PCDH11X: variants seen among roughly 807,000 people sequenced by gnomAD.
The protein encoded by PCDH11X is protocadherin-11 X-linked.
Under a neutral mutation model 53.3 loss-of-function variants are expected in PCDH11X, and 18 were observed. The ratio of observed to expected loss-of-function variants is 0.34; its 90% CI spans 0.23 to 0.50. PCDH11X has a LOEUF of 0.50. Among genes scored for constraint, PCDH11X ranks in the 20% least tolerant of loss-of-function variants. The pLI, the probability that PCDH11X is intolerant of heterozygous loss-of-function variation, is 0.98. For missense variants in PCDH11X, 570 were observed against 1,032.4 expected, an observed-to-expected ratio of 0.55 and a Z score of 6.14; for synonymous variants, 279 against 393.3, an observed-to-expected ratio of 0.71 and a Z score of 3.44.
At chrX:92,278,809 T>TTTTTTTTTTTTTTG (rs2148440923) in intron 8 of PCDH11X, among the ~76,000 whole-genome samples, 1 of 90,068 alleles carries the variant, frequency 1.1e-5, no homozygotes, top group East Asian at 3.5e-4. Flanking sequence ...CTTTTCAGTT[T>TTTTTTTTTTTTTTG]TTTTTTTTTT....
intron 7 of PCDH11X, among the ~76,000 whole-genome samples, chrX:92,218,295 A>G (rs765173947): frequency 2.2e-5 from 2 of 90,582 alleles, no homozygotes; most frequent in South Asian, 6.6e-4. Context: ...TTGATAGACC[A>G]CTAGCAAGAC....
chrX:92,610,201 T>G (rs1927226848), intron 10 of PCDH11X, among the ~76,000 whole-genome samples: 1 of 112,347 alleles, frequency 8.9e-6, no homozygotes, highest in Non-Finnish European at 1.9e-5. Flanking sequence ...TGAATTAATT[T>G]ACATTCCCAC....
At chrX:92,276,174 C>T (rs897785069) in intron 8 of PCDH11X, among the ~76,000 whole-genome samples, 13 of 108,707 alleles carry the variant, frequency 1.2e-4, no homozygotes, top group Non-Finnish European at 1.3e-4. Context: ...GTTATGGAGG[C>T]AAGGGAAACA....
intron 6 of PCDH11X, among the ~76,000 whole-genome samples, chrX:92,014,706 TA>T (rs1317790302): frequency 1.8e-5 from 2 of 111,891 alleles, no homozygotes; most frequent in East Asian, 2.8e-4. Flanking sequence ...TATGCAGCCA[TA>T]AAAAATGATG....
intron 8 of PCDH11X, among the ~76,000 whole-genome samples, chrX:92,325,858 C>A (rs4434782): frequency 0.24 from 25,995 of 110,178 alleles, 2,727 homozygotes; most frequent in Non-Finnish European, 0.32. Flanking sequence ...TAACAACTAA[C>A]CTGCTCCTGT....
chrX:91,975,522 G>A (rs1010574768), intron 6 of PCDH11X, among the ~76,000 whole-genome samples: 1 of 111,147 alleles, frequency 9.0e-6, no homozygotes, highest in African/African-American at 3.3e-5. Context: ...GTTATTTAAA[G>A]ACATGAGACT....
At chrX:92,264,342 G>C (rs1408147328) in intron 8 of PCDH11X, among the ~76,000 whole-genome samples, 1 of 111,560 alleles carries the variant, frequency 9.0e-6, no homozygotes, top group African/African-American at 3.3e-5. Context: ...GAGTATCACT[G>C]TGGCCTTGGA....
At chrX:92,559,458 C>CAT (rs1347528414) in intron 10 of PCDH11X, among the ~76,000 whole-genome samples, 2 of 110,269 alleles carry the variant, frequency 1.8e-5, no homozygotes, top group Non-Finnish European at 3.8e-5. Context: ...CACACACACA[C>CAT]ACACACACAC....
rs2065748241 is a variant in PCDH11X, at chrX:92,167,116, C to T, written c.3034-34259C>T. 2.7e-5 allele frequency among the ~76,000 whole-genome samples: 3 copies of T among 109,981 alleles called. 1 individual carries two copies. The East Asian group carries it at 8.6e-4, about 32-fold the overall frequency. ...TCCTCAATTATATTCTATAATTTTA[C>T]TTGCTAATTTTTGCTTCCTTTTCCT... On this transcript the variant is annotated intron_variant, in intron 6 of 10. Transcript: ENST00000682573.
At chrX:92,130,502 A>G (rs1303864716) in intron 6 of PCDH11X, among the ~76,000 whole-genome samples, 1 of 109,724 alleles carries the variant, frequency 9.1e-6, no homozygotes, top group African/African-American at 3.3e-5. Context: ...ATACAAAATT[A>G]GCCAGGCATG....
chrX:91,936,581 A>C (rs978695132), intron 6 of PCDH11X, among the ~76,000 whole-genome samples: 1 of 106,570 alleles, frequency 9.4e-6, no homozygotes, highest in South Asian at 3.9e-4. Context: ...ATAGTATAAT[A>C]TAGTTGAGAA....
At position 92,216,380 on chromosome X, in the gene PCDH11X, A is replaced by C. The variant is rs1376923981; in HGVS notation, c.3114+14925A>C. ...AAAGGAGCTGATGGAGCTGAAAGCCAAGGCTCGAGAACTATGTGAAGAATG... is the reference window on the plus strand; with the variant it reads ...AAAGGAGCTGATGGAGCTGAAAGCCCAGGCTCGAGAACTATGTGAAGAATG... On this transcript the variant is annotated intron_variant, in intron 7 of 10. Transcript: ENST00000682573. 3.8e-5 allele frequency among the ~76,000 whole-genome samples: 4 copies of C among 106,301 alleles called. No homozygotes were observed. The East Asian group carries it at 1.2e-3, about 33-fold the overall frequency. The allele number at this position is 106,301 out of a possible 115,157, so 92.3% of individuals were successfully genotyped here. A position where few individuals can be genotyped will look rare whatever the true frequency, so the allele number is the denominator to read the frequency against.
At chrX:92,217,682 T>C (rs1229964312) in intron 7 of PCDH11X, among the ~76,000 whole-genome samples, 1 of 104,819 alleles carries the variant, frequency 9.5e-6, no homozygotes, top group African/African-American at 3.5e-5. Context: ...GGAATTGAAC[T>C]CAGCTCTGCA....
At chrX:92,256,166 G>T (rs373563380) in intron 7 of PCDH11X, among the ~76,000 whole-genome samples, 2 of 112,111 alleles carry the variant, frequency 1.8e-5, no homozygotes, top group Admixed American at 9.4e-5. Context: ...TCGGAAAAGC[G>T]CAGTATTCGG....
chrX:92,025,058 G>C (rs971264488), intron 6 of PCDH11X, among the ~76,000 whole-genome samples: 23 of 111,730 alleles, frequency 2.1e-4, no homozygotes, highest in Non-Finnish European at 4.3e-4. Context: ...TCAGGCCATA[G>C]GCATGGGCAA....
chrX:91,805,283 T>C (rs186903622), intron 1 of PCDH11X, among the ~76,000 whole-genome samples: 3 of 110,695 alleles, frequency 2.7e-5, no homozygotes, highest in African/African-American at 9.8e-5. Context: ...GGGAAATTCA[T>C]CATCCAATCT....
chrX:91,877,973 A>T lies in PCDH11X; in HGVS notation c.1733A>T (p.Tyr578Phe), dbSNP rs1170892808. 8.3e-7 allele frequency: 1 copy of T among 1,211,586 alleles called. No individual in the cohort carries two copies. Among genetic ancestry groups the T allele is most frequent in the East Asian group, 3.0e-5 (1 of 33,818 alleles). The change falls in exon 6 of 11, where the codon TAT (tyrosine) becomes TTT (phenylalanine). Residue 578 changes from tyrosine to phenylalanine, a missense_variant. By Grantham distance (22) the Tyr-to-Phe change is conservative (BLOSUM62 3). Coordinates refer to ENST00000682573, the MANE Select transcript of PCDH11X (RefSeq NM_032968.5). Reference sequence around the variant, plus strand: ...TTCACTCACAATGAATACAACTTCTATGTCCCAGAAAACCTTCCAAGGCAT... The same window carrying T: ...TTCACTCACAATGAATACAACTTCTTTGTCCCAGAAAACCTTCCAAGGCAT... The part of the protein sequence containing the change: ...PVFTHNEYNF[Y>F]VPENLPRHGT...
intron 10 of PCDH11X, among the ~76,000 whole-genome samples, chrX:92,504,880 G>C (rs952069514): frequency 6.8e-5 from 7 of 102,805 alleles, no homozygotes; most frequent in Non-Finnish European, 8.1e-5. Flanking sequence ...CTAATGATTA[G>C]TAATGTTGAG....
intron 10 of PCDH11X, among the ~76,000 whole-genome samples, chrX:92,576,155 CTT>C (rs1041514725): frequency 3.9e-5 from 4 of 102,963 alleles, no homozygotes; most frequent in African/African-American, 1.4e-4. Flanking sequence ...TTCTTTGTCT[CTT>C]ATAGTTTTTG....
Sources: allele counts gnomAD v4.1 joint callset (sites outside exome capture counted in the v4.1 genomes callset), GRCh38; gene constraint gnomAD v4.1.1; transcripts MANE v1.5; gene names NCBI Gene and HGNC (gene_info 2026-07-23, HGNC 2026-07-21).